LINS1: variants seen among roughly 807,000 people sequenced by gnomAD.
The protein encoded by LINS1 is protein Lines homolog 1.
In LINS1, 27 loss-of-function variants were observed where a neutral mutation model predicts 41.6. That is an observed-to-expected ratio of 0.65 (90% CI 0.48 to 0.89). The LOEUF (loss-of-function observed/expected upper bound fraction) is 0.89, where lower values mean the gene tolerates loss of function less well. Among genes scored for constraint, LINS1 ranks in the 40% least tolerant of loss-of-function variants. LINS1 has a pLI of 0.00. For missense variants in LINS1, 955 were observed against 884.1 expected (o/e 1.08, Z -1.02); for synonymous variants, 336 against 312.9 (o/e 1.07, Z -0.78).
At chr15:100,601,854 A>G (rs972371557) in intron 1 of LINS1, among the ~76,000 whole-genome samples, 17 of 152,112 alleles carry the variant, frequency 1.1e-4, no homozygotes, top group African/African-American at 4.1e-4. Flanking sequence ...TTGGATCGTC[A>G]TCGCTATCCC....
rs1322380495 is a variant in LINS1, at chr15:100,571,916, C to T, written c.1372G>A (p.Gly458Ser). 1.2e-6 allele frequency: 2 copies of T among 1,614,012 alleles called. No individual in the cohort carries two copies. The highest frequency in any genetic ancestry group is 2.7e-5 in the African/African-American group (2 of 74,902). Residue 458 changes from glycine to serine, a missense_variant, in exon 6 of 7, where the codon GGC becomes AGC. Physicochemically the swap from Gly to Ser is moderately conservative, Grantham distance 56 (BLOSUM62 0). Coordinates refer to ENST00000314742, the MANE Select transcript of LINS1 (RefSeq NM_001040616.3). The stretch of plus-strand genomic sequence containing the variant: ...AACCTGGTCAGTGTTAAGTAGATGC[C>T]CAGTGATGCCTTGGCAGCCTCCAGC... ...DMLEAAKASL[G>S]IYLTLTRGCE...
intron 1 of LINS1, among the ~76,000 whole-genome samples, chr15:100,591,565 A>T (rs7178236): frequency 0.1 from 15,281 of 152,262 alleles, 851 homozygotes; most frequent in Middle Eastern, 0.19. Flanking sequence ...TTGCATTAAG[A>T]CGTTAAGGAA....
chr15:100,586,441 C>T (rs1567094507), intron 1 of LINS1: 1 of 152,228 alleles, frequency 6.6e-6, no homozygotes, highest in South Asian at 2.1e-4. Context: ...GGGTCATTTC[C>T]AATAAAGAAA....
rs2141262158 is a variant in LINS1 at position 100,569,895 on chromosome 15, G to A, written c.1617C>T (p.Phe539=). 1 of 1,611,740 alleles carries A rather than the reference G, an allele frequency of 6.2e-7. No individual in the cohort carries two copies. The highest frequency in any genetic ancestry group is 8.5e-7 in the Non-Finnish European group (1 of 1,178,774). The change falls in exon 7 of 7, where the codon TTC becomes TTT. Residue 539 remains phenylalanine, a synonymous_variant. Coordinates refer to ENST00000314742, the MANE Select transcript of LINS1 (RefSeq NM_001040616.3). The part of the protein sequence containing the change: ...KLLQKDWDNF[F]TICNNFDATE... ...TTGCATCAAAGTTATTGCAAATGGT[G>A]AAAAAATTATCCCAGTCCTTTTGCA...
chr15:100,586,767 TAATAA>T (rs930511898), intron 1 of LINS1, among the ~76,000 whole-genome samples: 1 of 152,148 alleles, frequency 6.6e-6, no homozygotes, highest in African/African-American at 2.4e-5. Context: ...AAAATTTATA[TAATAA>T]AATATTATTT....
At chr15:100,578,272 T>C (rs529107543) in intron 3 of LINS1, among the ~76,000 whole-genome samples, 1 of 151,896 alleles carries the variant, frequency 6.6e-6, no homozygotes, top group East Asian at 1.9e-4. Flanking sequence ...TGCAATCTAC[T>C]CATCTGACAA....
Position 100,569,698 on chromosome 15 carries a change from A to G in LINS1, c.1814T>C (p.Met605Thr), listed in dbSNP as rs1351792031. ...ACACATGGTGTGAGCCCCCTTGGACATCACAGCTTTCAGTGGTTCAGAGGG... is the reference window on the plus strand; with the variant it reads ...ACACATGGTGTGAGCCCCCTTGGACGTCACAGCTTTCAGTGGTTCAGAGGG... Reference protein sequence around the residue: ...DAPSEPLKAVMSKGAHTMCAS... With the variant: ...DAPSEPLKAVTSKGAHTMCAS... The change falls in exon 7 of 7, where the codon ATG becomes ACG. Residue 605 changes from methionine (M) to threonine (T), a missense_variant. By Grantham distance (81) the Met-to-Thr change is moderately conservative. Coordinates refer to ENST00000314742, the MANE Select transcript of LINS1 (RefSeq NM_001040616.3). 6 of 1,613,772 alleles carry G rather than the reference A, an allele frequency of 3.7e-6. No homozygotes were observed. In the Admixed American group the frequency reaches 6.7e-5, roughly 18 times the overall value.
chr15:100,583,333 T>C (rs72761250), intron 1 of LINS1, among the ~76,000 whole-genome samples: 26,104 of 152,268 alleles, frequency 0.17, 2,465 homozygotes, highest in Admixed American at 0.28. Context: ...CTTCCCCTGA[T>C]TTAGCCTGAG....
rs374477511 is a variant in LINS1, at chr15:100,574,971, G to A, written c.631+16C>T. The A allele has an allele frequency of 6.8e-6, 11 of 1,610,408 alleles. No individual in the cohort carries two copies. The African/African-American group carries it at 8.0e-5, about 12-fold the overall frequency. ...GAGCAAGATGATGATTGTTTATGGG[G>A]CCATGTAATCCATACCTGTTTTCTG... On this transcript the variant is annotated intron_variant, in intron 4 of 6. Coordinates refer to ENST00000314742, the MANE Select transcript of LINS1 (RefSeq NM_001040616.3).
At chr15:100,592,792 A>G (rs1013638590) in intron 1 of LINS1, among the ~76,000 whole-genome samples, 1 of 152,240 alleles carries the variant, frequency 6.6e-6, no homozygotes, top group Admixed American at 6.5e-5. Context: ...AATACAGGTC[A>G]CAAATGCCAA....
Position 100,567,197 on chromosome 15 carries a change from T to C in LINS1, c.*2041A>G, listed in dbSNP as rs2037593557. The C allele has an allele frequency of 6.6e-6, 1 of 152,220 alleles. No homozygotes were observed. The highest frequency in any genetic ancestry group is 1.5e-5 in the Non-Finnish European group (1 of 68,046). The allele number at this position is 152,220 out of a possible 1,614,324, so 9.4% of individuals were successfully genotyped here. A position where few individuals can be genotyped will look rare whatever the true frequency, so the allele number is the denominator to read the frequency against. ...CACAGCATGTTACTGTACTGAATAC[T>C]GTAGGCAACTGTAACACAATAGTAA... On this transcript the variant is annotated 3_prime_UTR_variant, in exon 7 of 7. Transcript: ENST00000314742.
chr15:100,585,401 T>G (rs61523847), intron 1 of LINS1, among the ~76,000 whole-genome samples: 17,659 of 152,238 alleles, frequency 0.12, 1,207 homozygotes, highest in East Asian at 0.27. Context: ...TGGTGTTGCA[T>G]GCATCCAGGC....
At chr15:100,578,267 T>G (rs111947360) in intron 3 of LINS1, among the ~76,000 whole-genome samples, 1 of 152,026 alleles carries the variant, frequency 6.6e-6, no homozygotes, top group South Asian at 2.1e-4. Flanking sequence ...ATTTTTGCAA[T>G]CTACTCATCT....
At chr15:100,578,172 A>G (rs572890512) in intron 3 of LINS1, among the ~76,000 whole-genome samples, 1 of 152,300 alleles carries the variant, frequency 6.6e-6, no homozygotes, top group African/African-American at 2.4e-5. Context: ...AAATAGAGAA[A>G]TGGGATCTAA....
chr15:100,583,453 A>G (rs921752592), intron 1 of LINS1, among the ~76,000 whole-genome samples: 1 of 151,966 alleles, frequency 6.6e-6, no homozygotes, highest in South Asian at 2.1e-4. Flanking sequence ...GAAACTTTTG[A>G]TAAGTTTTCT....
chr15:100,577,512 C>G (rs1179877699), intron 3 of LINS1, among the ~76,000 whole-genome samples: 3 of 151,922 alleles, frequency 2.0e-5, no homozygotes, highest in Non-Finnish European at 4.4e-5. Flanking sequence ...CACTGCTCAA[C>G]GAAGTAAAAG....
intron 1 of LINS1, among the ~76,000 whole-genome samples, chr15:100,586,863 G>A (rs2038822554): frequency 6.6e-6 from 1 of 152,034 alleles, no homozygotes; most frequent in East Asian, 1.9e-4. Context: ...AATAAAGTAA[G>A]TATTGTAAAG....
chr15:100,598,223 A>G (rs1446336792), intron 1 of LINS1, among the ~76,000 whole-genome samples: 1 of 152,218 alleles, frequency 6.6e-6, no homozygotes, highest in Admixed American at 6.5e-5. Flanking sequence ...CCTAGCTCCT[A>G]GCACAGCATT....
In LINS1 at chr15:100,575,007, T is replaced by C. The variant is rs572636883; in HGVS notation, c.611A>G (p.Asp204Gly). The stretch of plus-strand genomic sequence containing the variant: ...CATACCTGTTTTCTGTGAACATGAA[T>C]CTTTAAAGATTTCTTTTATTATTGC... Reference protein sequence around the residue: ...LTAIIKEIFKDSCSQKTEILK... With the variant: ...LTAIIKEIFKGSCSQKTEILK... The change falls in exon 4 of 7, where the codon GAT becomes GGT. Residue 204 changes from aspartate to glycine, a missense_variant. By Grantham distance (94) the Asp-to-Gly change is moderately conservative. Transcript: ENST00000314742. 1 of 1,612,918 alleles carries C rather than the reference T, an allele frequency of 6.2e-7. No individual in the cohort carries two copies. The highest frequency in any genetic ancestry group is 8.5e-7 in the Non-Finnish European group (1 of 1,179,568).
Sources: allele counts gnomAD v4.1 joint callset (sites outside exome capture counted in the v4.1 genomes callset), GRCh38; gene constraint gnomAD v4.1.1; transcripts MANE v1.5; gene names NCBI Gene and HGNC (gene_info 2026-07-23, HGNC 2026-07-21).